GRID1: variants seen among roughly 807,000 people sequenced by gnomAD.
The protein encoded by GRID1 is glutamate receptor ionotropic, delta-1.
In GRID1, 28 loss-of-function variants were observed where a neutral mutation model predicts 98.0. That is an observed-to-expected ratio of 0.29 (90% CI 0.21 to 0.39). GRID1 has a LOEUF of 0.39. GRID1 is among the 10% of genes least tolerant of loss of function. The pLI, the probability that GRID1 is intolerant of heterozygous loss-of-function variation, is 1.00. For synonymous variants in GRID1, 553 were observed against 538.5 expected (o/e 1.03, Z -0.37); for missense variants, 1,111 against 1,340.5 (o/e 0.83, Z 2.67).
chr10:86,279,388 T>C (rs1479358372), intron 2 of GRID1, among the ~76,000 whole-genome samples: 1 of 152,206 alleles, frequency 6.6e-6, no homozygotes, highest in Non-Finnish European at 1.5e-5. Flanking sequence ...GCAAAAACTT[T>C]AGCAAATCAA....
chr10:86,329,180 T>G (rs941714018), intron 2 of GRID1, among the ~76,000 whole-genome samples: 2 of 152,188 alleles, frequency 1.3e-5, no homozygotes, highest in Non-Finnish European at 2.9e-5. Flanking sequence ...TAATGTAAAG[T>G]GATAAAGCGG....
chr10:85,942,008 C>T (rs1001928652), intron 4 of GRID1, among the ~76,000 whole-genome samples: 1 of 152,182 alleles, frequency 6.6e-6, no homozygotes, highest in Non-Finnish European at 1.5e-5. Flanking sequence ...TCTTTCCATG[C>T]TAGCTTGAAC....
Position 85,838,639 on chromosome 10 carries a change from C to T in GRID1, c.1233+15857G>A, listed in dbSNP as rs550741128. ...TACCACCAGAACTTCCTTACAAGAG[C>T]TCTTGAAGGAAGCACTAAATATGGA... On this transcript the variant is annotated intron_variant, in intron 8 of 15. Coordinates refer to ENST00000327946, the MANE Select transcript of GRID1 (RefSeq NM_017551.3). 1.6e-4 allele frequency among the ~76,000 whole-genome samples: 25 copies of T among 152,242 alleles called. 1 individual carries two copies. The highest frequency in any genetic ancestry group is 1.5e-3 in the South Asian group (7 of 4,820).
At chr10:86,189,944 A>G (rs1248104567) in intron 3 of GRID1, among the ~76,000 whole-genome samples, 1 of 151,442 alleles carries the variant, frequency 6.6e-6, no homozygotes, top group Non-Finnish European at 1.5e-5. Flanking sequence ...CCTTGCTAAC[A>G]CCCCACTCTC....
chr10:85,886,448 C>G (rs1368197995), intron 5 of GRID1, among the ~76,000 whole-genome samples: 1 of 152,164 alleles, frequency 6.6e-6, no homozygotes, highest in Non-Finnish European at 1.5e-5. Flanking sequence ...AACAACCTTA[C>G]TGATTCACAC....
chr10:86,260,714 C>T (rs1438614303), intron 2 of GRID1, among the ~76,000 whole-genome samples: 1 of 152,134 alleles, frequency 6.6e-6, no homozygotes, highest in East Asian at 1.9e-4. Context: ...GTCCCCTGAG[C>T]CTGATTGGGA....
intron 2 of GRID1, among the ~76,000 whole-genome samples, chr10:86,247,720 T>C (rs371687994): frequency 2.0e-5 from 3 of 151,978 alleles, no homozygotes; most frequent in Admixed American, 6.5e-5. Context: ...CCAAGGAATG[T>C]GGGAACAAGC....
At chr10:85,888,518 C>T (rs954912684) in intron 5 of GRID1, among the ~76,000 whole-genome samples, 1 of 152,198 alleles carries the variant, frequency 6.6e-6, no homozygotes, top group African/African-American at 2.4e-5. Flanking sequence ...TCACATTTTA[C>T]TCTATTTTGT....
chr10:86,073,718 C>T (rs535670315), intron 4 of GRID1, among the ~76,000 whole-genome samples: 2 of 152,266 alleles, frequency 1.3e-5, no homozygotes, highest in East Asian at 3.9e-4. Context: ...GCCCAAGGCA[C>T]CACGATCAGT....
intron 8 of GRID1, among the ~76,000 whole-genome samples, chr10:85,739,820 T>C: frequency 6.6e-6 from 1 of 152,160 alleles, no homozygotes; most frequent in East Asian, 1.9e-4. Context: ...TTATATATAG[T>C]ATGATCCAAC....
intron 4 of GRID1, among the ~76,000 whole-genome samples, chr10:85,995,142 A>C (rs1842725583): frequency 6.6e-6 from 1 of 152,246 alleles, no homozygotes; most frequent in African/African-American, 2.4e-5. Context: ...ACAGCCATAG[A>C]AAATAGAAGC....
At chr10:86,137,857 G>A (rs780793719) in intron 4 of GRID1, among the ~76,000 whole-genome samples, 3 of 152,204 alleles carry the variant, frequency 2.0e-5, no homozygotes, top group Non-Finnish European at 4.4e-5. Context: ...CCTGATGCAT[G>A]AGGTAGCATT....
At chr10:85,894,590 A>G (rs186676559) in intron 5 of GRID1, among the ~76,000 whole-genome samples, 1 of 152,318 alleles carries the variant, frequency 6.6e-6, no homozygotes, top group East Asian at 1.9e-4. Flanking sequence ...CAAAACTCCA[A>G]GTCGTACTTA....
rs971410987 is a variant in GRID1, at chr10:86,192,388, T to C, written c.520+13976A>G. On this transcript the variant is annotated intron_variant, in intron 3 of 15. Coordinates refer to ENST00000327946, the MANE Select transcript of GRID1 (RefSeq NM_017551.3). This position sits in a 1 kb window ranked among gnomAD's most constrained non-coding sequence, Gnocchi z 4.8. ...AAGGACGTTCTGATGCATGCCACAG[T>C]GTGGAGGAAAGTAGAAAGCACTATG... Among the ~76,000 whole-genome samples, 2 of 152,012 alleles carry C rather than the reference T, an allele frequency of 1.3e-5. No individual in the cohort carries two copies. The highest frequency in any genetic ancestry group is 6.5e-5 in the Admixed American group (1 of 15,274).
At chr10:85,844,229 GA>G (rs1420208359) in intron 8 of GRID1, among the ~76,000 whole-genome samples, 1 of 151,914 alleles carries the variant, frequency 6.6e-6, no homozygotes, top group Non-Finnish European at 1.5e-5. Flanking sequence ...CAAAATTTTA[GA>G]AATGTAGAAT....
At chr10:86,250,309 C>T (rs1846800312) in intron 2 of GRID1, among the ~76,000 whole-genome samples, 1 of 152,172 alleles carries the variant, frequency 6.6e-6, no homozygotes, top group African/African-American at 2.4e-5. Context: ...TCCAGCTTCC[C>T]CTCAACATTA....
rs572300471 is a variant in GRID1 at position 86,036,637 on chromosome 10, T to C, written c.726+102182A>G. ...AGGGCTCAGAAACAAAAGGCTTCAG[T>C]GCCACCTTGTGAGACCTTCTCACTG... On this transcript the variant is annotated intron_variant, in intron 4 of 15. Transcript: ENST00000327946. Among the ~76,000 whole-genome samples the C allele has an allele frequency of 1.5e-4, 23 of 152,312 alleles. No individual in the cohort carries two copies. The South Asian group carries it at 4.4e-3, about 29-fold the overall frequency.
intron 2 of GRID1, among the ~76,000 whole-genome samples, chr10:86,277,192 C>T (rs145769348): frequency 1.3e-5 from 2 of 152,126 alleles, no homozygotes; most frequent in Non-Finnish European, 2.9e-5. Context: ...GAACAATACA[C>T]TTAAAAATAG....
intron 2 of GRID1, among the ~76,000 whole-genome samples, chr10:86,358,535 G>C (rs1740173573): frequency 6.6e-6 from 1 of 152,094 alleles, no homozygotes; most frequent in African/African-American, 2.4e-5. Flanking sequence ...AAGGCAGGCG[G>C]ATCACGAGGT....
Sources: allele counts gnomAD v4.1 joint callset (sites outside exome capture counted in the v4.1 genomes callset), GRCh38; gene constraint gnomAD v4.1.1; non-coding constraint Gnocchi (gnomAD v3.1); transcripts MANE v1.5; gene names NCBI Gene and HGNC (gene_info 2026-07-23, HGNC 2026-07-21).